Variants in RGS7 observed in about 807,000 individuals in gnomAD.
The protein encoded by RGS7 is regulator of G-protein signaling 7.
Under a neutral mutation model 81.1 loss-of-function variants are expected in RGS7, and 27 were observed. That is an observed-to-expected ratio of 0.33 (90% CI 0.25 to 0.46). The LOEUF (loss-of-function observed/expected upper bound fraction) is 0.46. RGS7 is among the 20% of genes least tolerant of loss of function. RGS7 has a pLI of 1.00. For missense variants in RGS7, 396 were observed against 607.4 expected (o/e 0.65, Z 3.66); for synonymous variants, 208 against 207.7 (o/e 1.00, Z -0.01).
At chr1:240,929,478 AT>A (rs74753145) in intron 6 of RGS7, among the ~76,000 whole-genome samples, 9,614 of 151,326 alleles carry the variant, frequency 0.064, 881 homozygotes, top group African/African-American at 0.21. Flanking sequence ...TGGTTTTTAG[AT>A]TTTTTTTTCA....
intron 3 of RGS7, among the ~76,000 whole-genome samples, chr1:241,075,457 G>C (rs902580211): frequency 9.9e-5 from 15 of 152,144 alleles, no homozygotes; most frequent in African/African-American, 3.4e-4. Context: ...TGCAATTCAG[G>C]GTTCAGTCAT....
intron 6 of RGS7, among the ~76,000 whole-genome samples, chr1:240,873,983 A>G (rs1464302248): frequency 6.6e-6 from 1 of 152,140 alleles, no homozygotes; most frequent in Non-Finnish European, 1.5e-5. Flanking sequence ...AGTAATTCAA[A>G]GAGTCCCAAG....
chr1:241,007,939 C>T (rs1397249864), intron 3 of RGS7, among the ~76,000 whole-genome samples: 2 of 152,070 alleles, frequency 1.3e-5, no homozygotes, highest in African/African-American at 4.8e-5. Flanking sequence ...CTGGCAAAGG[C>T]CCTGGAGGCT....
At chr1:240,788,953 C>T (rs909947414) in intron 18 of RGS7, among the ~76,000 whole-genome samples, 1 of 152,144 alleles carries the variant, frequency 6.6e-6, no homozygotes, top group Non-Finnish European at 1.5e-5. Flanking sequence ...GCCTTGCCAA[C>T]ATGGTGAAAC....
At chr1:241,066,843 G>A (rs2062091877) in intron 3 of RGS7, among the ~76,000 whole-genome samples, 1 of 152,220 alleles carries the variant, frequency 6.6e-6, no homozygotes, top group Non-Finnish European at 1.5e-5. Flanking sequence ...GCTATGTGAG[G>A]AAATAAGATA....
At chr1:241,193,150 T>G (rs2147799320) in intron 2 of RGS7, among the ~76,000 whole-genome samples, 1 of 152,354 alleles carries the variant, frequency 6.6e-6, no homozygotes, top group South Asian at 2.1e-4. Context: ...TACAGCCTTC[T>G]TCCTTCCCTT....
intron 9 of RGS7, among the ~76,000 whole-genome samples, chr1:240,846,346 C>T (rs1310036385): frequency 1.3e-5 from 2 of 152,088 alleles, no homozygotes; most frequent in Non-Finnish European, 1.5e-5. Flanking sequence ...TGGTGAGAGA[C>T]ATTCTTTAGT....
intron 3 of RGS7, among the ~76,000 whole-genome samples, chr1:241,057,935 T>C (rs1347041383): frequency 1.3e-5 from 2 of 152,062 alleles, no homozygotes; most frequent in Non-Finnish European, 2.9e-5. Context: ...GTTGTTATAG[T>C]AGGTAGATAG....
intron 4 of RGS7, among the ~76,000 whole-genome samples, chr1:240,943,537 A>T (rs1253718066): frequency 6.6e-6 from 1 of 152,216 alleles, no homozygotes; most frequent in African/African-American, 2.4e-5. Context: ...GGGAAACATT[A>T]GTAGCTAGTG....
At chr1:240,847,621 TC>T (rs1451504503) in intron 9 of RGS7, among the ~76,000 whole-genome samples, 1 of 152,184 alleles carries the variant, frequency 6.6e-6, no homozygotes, top group Non-Finnish European at 1.5e-5. Flanking sequence ...AATGTTGCCC[TC>T]CCCAACTTCT....
At chr1:240,860,404 C>A (rs555415389) in intron 9 of RGS7, among the ~76,000 whole-genome samples, 1 of 152,246 alleles carries the variant, frequency 6.6e-6, no homozygotes, top group Non-Finnish European at 1.5e-5. Context: ...GCATAGACAT[C>A]AAATATTATT....
chr1:240,880,005 A>C (rs1260629783), intron 6 of RGS7, among the ~76,000 whole-genome samples: 1 of 152,200 alleles, frequency 6.6e-6, no homozygotes, highest in African/African-American at 2.4e-5. Context: ...TTATTTTATC[A>C]AATCTCAGAT....
chr1:241,052,006 G>A (rs1041680699), intron 3 of RGS7, among the ~76,000 whole-genome samples: 4 of 152,106 alleles, frequency 2.6e-5, no homozygotes, highest in Non-Finnish European at 5.9e-5. Flanking sequence ...CACCATGACT[G>A]TATCTAGGAA....
At chr1:241,350,430 G>T (rs1347923251) in intron 2 of RGS7, among the ~76,000 whole-genome samples, 1 of 152,130 alleles carries the variant, frequency 6.6e-6, no homozygotes, top group African/African-American at 2.4e-5. Context: ...CTCAGTGCCT[G>T]CCTCCCATCT....
At chr1:240,926,344 C>T (rs1260758141) in intron 6 of RGS7, among the ~76,000 whole-genome samples, 1 of 152,140 alleles carries the variant, frequency 6.6e-6, no homozygotes, top group Non-Finnish European at 1.5e-5. Flanking sequence ...GGTCCAGCTT[C>T]ATTCTTCTGC....
chr1:240,885,531 T>C (rs1251856817), intron 6 of RGS7, among the ~76,000 whole-genome samples: 3 of 151,838 alleles, frequency 2.0e-5, no homozygotes, highest in Non-Finnish European at 4.4e-5. Context: ...ATAAAGAAAA[T>C]GTGGTGCAGC....
intron 18 of RGS7, among the ~76,000 whole-genome samples, chr1:240,787,245 G>C (rs946577859): frequency 6.6e-6 from 1 of 152,020 alleles, no homozygotes; most frequent in African/African-American, 2.4e-5. Flanking sequence ...TGTTAAAATT[G>C]CCTAAGTCCC....
intron 2 of RGS7, among the ~76,000 whole-genome samples, chr1:241,156,036 G>A (rs2069101130): frequency 6.6e-6 from 1 of 151,832 alleles, no homozygotes; most frequent in Admixed American, 6.6e-5. Context: ...GCTAGGCACT[G>A]TCTAGGTTCT....
intron 9 of RGS7, among the ~76,000 whole-genome samples, chr1:240,831,141 C>A (rs1017099449): frequency 6.6e-6 from 1 of 151,980 alleles, no homozygotes; most frequent in Non-Finnish European, 1.5e-5. Flanking sequence ...TTACTAATGA[C>A]TAAATGGTTA....
Sources: gnomAD v4.1 joint callset for allele counts (sites outside exome capture counted in the v4.1 genomes callset) on GRCh38, gnomAD v4.1.1 for gene constraint, MANE v1.5 for transcripts, NCBI Gene and HGNC (gene_info 2026-07-23, HGNC 2026-07-21) for gene names.